LOC112694756: variants seen among roughly 807,000 people sequenced by gnomAD.
chr16:30,054,686 G>A, the LOC112694756 span: 10 of 398,500 alleles, frequency 2.5e-5, no homozygotes, highest in African/African-American at 1.6e-4. Flanking sequence ...TCTGGTGGCC[G>A]TTCCTCTCCC....
At chr16:30,065,374 G>A in the LOC112694756 span, among the ~76,000 whole-genome samples, 1 of 152,260 alleles carries the variant, frequency 6.6e-6, no homozygotes, top group Admixed American at 6.5e-5. Context: ...CGGGCCGCGC[G>A]CGCTGGGCCT....
At chr16:30,066,744 C>T in the LOC112694756 span, 4 of 909,470 alleles carry the variant, frequency 4.4e-6, no homozygotes, top group Middle Eastern at 3.1e-4. Context: ...GTTCTAATCT[C>T]AGATCTGGCT....
At chr16:30,064,230 C>T in the LOC112694756 span, 3 of 397,858 alleles carry the variant, frequency 7.5e-6, no homozygotes, top group Admixed American at 1.3e-4. Context: ...CGTCCACGGA[C>T]TCTCCGTTAT....
the LOC112694756 span, chr16:30,054,929 T>A: frequency 1.6e-4 from 64 of 398,914 alleles, no homozygotes; most frequent in Non-Finnish European, 2.4e-4. Context: ...TGCCTGCTGG[T>A]GAGGGGTCTG....
At chr16:30,063,145 A>G in the LOC112694756 span, among the ~76,000 whole-genome samples, 2 of 152,136 alleles carry the variant, frequency 1.3e-5, no homozygotes, top group Admixed American at 6.6e-5. Context: ...TGTCTCAAAA[A>G]AAAAAAAAAA....
the LOC112694756 span, chr16:30,069,629 C>T: frequency 4.3e-6 from 7 of 1,613,908 alleles, no homozygotes; most frequent in African/African-American, 2.7e-5. Context: ...ATTGCCATGG[C>T]GACCGTCACA....
chr16:30,067,150 A>C, the LOC112694756 span: 1 of 1,595,060 alleles, frequency 6.3e-7, no homozygotes, highest in Non-Finnish European at 8.5e-7. Flanking sequence ...CATTTCCCTG[A>C]CCTCCAGGAG....
At chr16:30,067,174 A>T in the LOC112694756 span, 1 of 1,608,890 alleles carries the variant, frequency 6.2e-7, no homozygotes, top group Non-Finnish European at 8.5e-7. Flanking sequence ...GGCCCTGGTC[A>T]TCGGGAGATG....
chr16:30,059,673 C>T, the LOC112694756 span, among the ~76,000 whole-genome samples: 34 of 151,476 alleles, frequency 2.2e-4, no homozygotes, highest in African/African-American at 8.2e-4. Context: ...AGTGATTCTC[C>T]TGCCTCAGAC....
chr16:30,055,156 GA>G, the LOC112694756 span: 1 of 399,062 alleles, frequency 2.5e-6, no homozygotes, highest in Non-Finnish European at 4.4e-6. Flanking sequence ...TCCACATCCT[GA>G]ACCCTGTGAC....
chr16:30,066,089 C>CT, the LOC112694756 span: 1 of 152,748 alleles, frequency 6.5e-6, no homozygotes, highest in African/African-American at 2.4e-5. Context: ...CTGAGGTCCT[C>CT]TAACTGCGCA....
chr16:30,060,431 T>TC, the LOC112694756 span, among the ~76,000 whole-genome samples: 5 of 151,930 alleles, frequency 3.3e-5, no homozygotes, highest in Admixed American at 6.6e-5. Context: ...CAGGAAAAAT[T>TC]CAAGTGAAAA....
the LOC112694756 span, chr16:30,068,665 C>T: frequency 1.9e-6 from 3 of 1,614,200 alleles, no homozygotes; most frequent in Non-Finnish European, 2.5e-6. Context: ...GGCGTGGTCC[C>T]CCTGGCAGGG....
At chr16:30,055,186 C>T in the LOC112694756 span, 3 of 399,280 alleles carry the variant, frequency 7.5e-6, no homozygotes, top group Non-Finnish European at 1.3e-5. Flanking sequence ...AGGGCTGCTG[C>T]GCGGACGGTA....
chr16:30,069,108 C>A, the LOC112694756 span: 1 of 1,476,328 alleles, frequency 6.8e-7, no homozygotes, highest in Middle Eastern at 1.7e-4. Flanking sequence ...GGAGGACACT[C>A]AAGGGCTGTT....
the LOC112694756 span, among the ~76,000 whole-genome samples, chr16:30,058,547 G>A: frequency 6.6e-6 from 1 of 151,020 alleles, no homozygotes; most frequent in African/African-American, 2.4e-5. Context: ...GTGCAGTGGT[G>A]CAATCTTGGC....
the LOC112694756 span, chr16:30,066,745 A>G: frequency 2.2e-6 from 2 of 913,240 alleles, no homozygotes; most frequent in Non-Finnish European, 3.3e-6. Flanking sequence ...TTCTAATCTC[A>G]GATCTGGCTC....
chr16:30,064,585 A>G, the LOC112694756 span: 18 of 398,280 alleles, frequency 4.5e-5, no homozygotes, highest in Admixed American at 3.1e-4. Flanking sequence ...GGGCCCCACG[A>G]TAGTGTGAAT....
chr16:30,054,028 T>TA, the LOC112694756 span, among the ~76,000 whole-genome samples: 3 of 151,680 alleles, frequency 2.0e-5, no homozygotes, highest in Non-Finnish European at 4.4e-5. Context: ...ACACTGTCTC[T>TA]AAAAAAATTG....
Sources: gnomAD v4.1 joint callset for allele counts (sites outside exome capture counted in the v4.1 genomes callset) on GRCh38, gnomAD v4.1.1 for gene constraint, MANE v1.5 for transcripts.